Variants in GPHN observed in about 807,000 individuals in gnomAD.
GPHN encodes gephyrin.
A neutral mutation model predicts 95.5 loss-of-function variants in GPHN; 17 were observed. That is an observed-to-expected ratio of 0.18 (90% CI 0.12 to 0.27). The LOEUF (loss-of-function observed/expected upper bound fraction) is 0.27, where lower values mean the gene tolerates loss of function less well. GPHN is among the 10% of genes least tolerant of loss of function. The pLI is 1.00. For missense variants in GPHN, 660 were observed against 978.1 expected (o/e 0.67, Z 4.34); for synonymous variants, 320 against 322.5 (o/e 0.99, Z 0.08).
At chr14:67,584,808 C>T in the GPHN span, among the ~76,000 whole-genome samples, 7 of 152,116 alleles carry the variant, frequency 4.6e-5, no homozygotes, top group African/African-American at 1.2e-4. Flanking sequence ...ATCAAATAAT[C>T]GTATTCATTT....
At chr14:66,765,264 T>C (rs2058920875) in intron 2 of GPHN, among the ~76,000 whole-genome samples, 1 of 152,146 alleles carries the variant, frequency 6.6e-6, no homozygotes, top group African/African-American at 2.4e-5. Context: ...GTGGCAATAT[T>C]TGAAAGAAAA....
chr14:67,046,359 G>A (rs1397161124), intron 10 of GPHN, among the ~76,000 whole-genome samples: 1 of 152,044 alleles, frequency 6.6e-6, no homozygotes, highest in Non-Finnish European at 1.5e-5. Flanking sequence ...ATTACTCTAG[G>A]CAGAAACAGC....
chr14:66,631,588 T>C (rs2063812748), intron 1 of GPHN, among the ~76,000 whole-genome samples: 1 of 152,190 alleles, frequency 6.6e-6, no homozygotes, highest in Admixed American at 6.5e-5. Flanking sequence ...ATCTCATAGA[T>C]TCAAAGCTAG....
At chr14:67,223,213 T>G in the GPHN span, among the ~76,000 whole-genome samples, 3 of 152,160 alleles carry the variant, frequency 2.0e-5, no homozygotes, top group Non-Finnish European at 4.4e-5. Flanking sequence ...TTGGCCAGGC[T>G]GGTCTCGAAC....
chr14:66,521,840 A>G (rs1388033743), intron 1 of GPHN, among the ~76,000 whole-genome samples: 2 of 152,178 alleles, frequency 1.3e-5, no homozygotes, highest in African/African-American at 4.8e-5. Flanking sequence ...GAACAAGGGA[A>G]GTCTTTAAAA....
At chr14:67,136,752 T>TA (rs1209607973) in intron 17 of GPHN, among the ~76,000 whole-genome samples, 2 of 152,204 alleles carry the variant, frequency 1.3e-5, no homozygotes, top group Non-Finnish European at 2.9e-5. Flanking sequence ...GCCTAGTACA[T>TA]ACATTCTTAG....
At chr14:67,686,445 C>A in the GPHN span, among the ~76,000 whole-genome samples, 14 of 151,990 alleles carry the variant, frequency 9.2e-5, no homozygotes, top group Non-Finnish European at 2.1e-4. Context: ...TATAGACCAG[C>A]CTGGGCAACA....
chr14:66,514,215 G>A (rs1409528559), intron 1 of GPHN, among the ~76,000 whole-genome samples: 1 of 151,934 alleles, frequency 6.6e-6, no homozygotes, highest in African/African-American at 2.4e-5. Context: ...ACAAAGTATA[G>A]AATTCATATG....
the GPHN span, among the ~76,000 whole-genome samples, chr14:67,394,357 CT>C: frequency 6.6e-6 from 1 of 152,006 alleles, no homozygotes; most frequent in South Asian, 2.1e-4. Flanking sequence ...GATCGAGCCA[CT>C]GCACTCCAGC....
At chr14:66,843,704 A>G (rs1807397442) in intron 4 of GPHN, among the ~76,000 whole-genome samples, 1 of 152,196 alleles carries the variant, frequency 6.6e-6, no homozygotes, top group South Asian at 2.1e-4. Context: ...CAAACATCTT[A>G]GAAATAGGAA....
At chr14:67,414,213 G>T in the GPHN span, among the ~76,000 whole-genome samples, 8 of 152,200 alleles carry the variant, frequency 5.3e-5, no homozygotes, top group African/African-American at 1.9e-4. Context: ...GGAAAGAGAT[G>T]GATACCTTCT....
At chr14:67,561,888 A>G in the GPHN span, 1 of 1,115,214 alleles carries the variant, frequency 9.0e-7, no homozygotes, top group Non-Finnish European at 1.3e-6. Flanking sequence ...AAAAAAAAAG[A>G]ATTGAAAAAA....
chr14:67,238,292 A>T, the GPHN span, among the ~76,000 whole-genome samples: 1 of 124,788 alleles, frequency 8.0e-6, no homozygotes. Context: ...TTTTTTAGAC[A>T]CGGTCTTGCT....
intron 18 of GPHN, among the ~76,000 whole-genome samples, chr14:67,151,460 C>T (rs1445147190): frequency 6.6e-6 from 1 of 152,114 alleles, no homozygotes; most frequent in African/African-American, 2.4e-5. Flanking sequence ...ACCATAAAAC[C>T]AAATCCCTAA....
At chr14:67,125,832 G>A (rs2079279316) in intron 17 of GPHN, among the ~76,000 whole-genome samples, 1 of 151,734 alleles carries the variant, frequency 6.6e-6, no homozygotes, top group Admixed American at 6.6e-5. Flanking sequence ...GACAGATAAG[G>A]GTAGAGAGTG....
the GPHN span, among the ~76,000 whole-genome samples, chr14:67,260,899 A>G: frequency 6.6e-6 from 1 of 152,108 alleles, no homozygotes; most frequent in Admixed American, 6.6e-5. Context: ...GAAAATGGAA[A>G]AAGTATTCTA....
chr14:67,230,927 A>G, the GPHN span, among the ~76,000 whole-genome samples: 1 of 152,234 alleles, frequency 6.6e-6, no homozygotes, highest in Non-Finnish European at 1.5e-5. Flanking sequence ...GCATGATGAA[A>G]TCTCACACCA....
chr14:66,820,878 G>A (rs2061166037), intron 3 of GPHN, among the ~76,000 whole-genome samples: 3 of 152,018 alleles, frequency 2.0e-5, no homozygotes, highest in Non-Finnish European at 2.9e-5. Context: ...ATTAGGAGGG[G>A]GATTTTTGTG....
the GPHN span, chr14:67,727,182 G>A: frequency 3.1e-6 from 5 of 1,612,564 alleles, no homozygotes; most frequent in Non-Finnish European, 3.4e-6. Context: ...CTGGCCAAGA[G>A]GCTCCAAGGT....
Sources: allele counts gnomAD v4.1 joint callset (sites outside exome capture counted in the v4.1 genomes callset), GRCh38; gene constraint gnomAD v4.1.1; transcripts MANE v1.5; gene names NCBI Gene and HGNC (gene_info 2026-07-23, HGNC 2026-07-21).